BMPR1B: variants seen among roughly 807,000 people sequenced by gnomAD.
BMPR1B encodes bone morphogenetic protein receptor type-1B.
In BMPR1B, 12 loss-of-function variants were observed where a neutral mutation model predicts 59.1. The observed-to-expected ratio is 0.20, with a 90% CI of 0.13 to 0.33. The LOEUF is 0.33. BMPR1B is among the 10% of genes least tolerant of loss of function. The pLI is 1.00. For missense variants in BMPR1B, 550 were observed against 610.9 expected (o/e 0.90, Z 1.05); for synonymous variants, 237 against 207.3 (o/e 1.14, Z -1.23).
At chr4:94,802,248 A>G (rs749006221) in intron 1 of BMPR1B, among the ~76,000 whole-genome samples, 1 of 152,160 alleles carries the variant, frequency 6.6e-6, no homozygotes, top group South Asian at 2.1e-4. Flanking sequence ...TGTTGAGAGG[A>G]GTCTGGCGTA....
chr4:94,845,603 A>G (rs1265350554), intron 1 of BMPR1B, among the ~76,000 whole-genome samples: 1 of 152,190 alleles, frequency 6.6e-6, no homozygotes, highest in Non-Finnish European at 1.5e-5. Flanking sequence ...GGGCCTCCCA[A>G]AGTGCTGGGA....
At chr4:94,947,776 C>T (rs1044060036) in intron 2 of BMPR1B, among the ~76,000 whole-genome samples, 1 of 152,306 alleles carries the variant, frequency 6.6e-6, no homozygotes, top group East Asian at 1.9e-4. Context: ...GTCCTCCTTA[C>T]AATTTTACTC....
rs528842766 is a variant in BMPR1B, at chr4:94,929,767, G to T, written c.-113+53867G>T. 1.4e-3 allele frequency among the ~76,000 whole-genome samples: 210 copies of T among 152,026 alleles called. 1 individual carries two copies. Among genetic ancestry groups the T allele is most frequent in the African/African-American group, 4.7e-3 (195 of 41,480 alleles). ...GCACAGGTCTCTCTCTTATGCACCA[G>T]ATCCTCACGTCCTATGATTTCTGCA... On this transcript the variant is annotated intron_variant, in intron 2 of 12. Coordinates refer to ENST00000515059, the MANE Select transcript of BMPR1B (RefSeq NM_001203.3).
chr4:94,919,773 A>G (rs945350074), intron 2 of BMPR1B, among the ~76,000 whole-genome samples: 2 of 152,184 alleles, frequency 1.3e-5, no homozygotes, highest in East Asian at 1.9e-4. Flanking sequence ...GGAATGGGGA[A>G]CTACCAAGAA....
chr4:95,095,313 A>C (rs1048742399), intron 3 of BMPR1B, among the ~76,000 whole-genome samples: 4 of 152,066 alleles, frequency 2.6e-5, no homozygotes, highest in Non-Finnish European at 4.4e-5. Flanking sequence ...TGTGAAATAG[A>C]CTCTTAAAAA....
At chr4:95,054,481 G>A (rs1256867693) in intron 3 of BMPR1B, among the ~76,000 whole-genome samples, 1 of 152,076 alleles carries the variant, frequency 6.6e-6, no homozygotes, top group African/African-American at 2.4e-5. Context: ...TTAAATCTAG[G>A]GAAATGGGGA....
rs1553903537 is a variant in BMPR1B at position 94,770,180 on chromosome 4, G to GTTTTTTTTT, written c.-183+12113_-183+12114insTTTTTTTTT. Among the ~76,000 whole-genome samples, 46 of 106,260 alleles carry GTTTTTTTTT rather than the reference G, an allele frequency of 4.3e-4. 4 individuals carry two copies. The highest frequency in any genetic ancestry group is 1.7e-3 in the African/African-American group (40 of 24,192). 69.7% of individuals were successfully genotyped at this position (106,260 alleles called of 152,430 possible). On this transcript the variant is annotated intron_variant, in intron 1 of 12. Transcript: ENST00000515059. ...TTTGTTTGAATTGTCCTTCGTTTCT[G>GTTTTTTTTT]TGTTTGTTTTTTTTTTTTTTTTTTG... is the stretch of plus-strand genomic sequence containing the variant.
At chr4:95,116,117 C>A (rs560898909) in intron 6 of BMPR1B, among the ~76,000 whole-genome samples, 63 of 152,084 alleles carry the variant, frequency 4.1e-4, no homozygotes, top group Non-Finnish European at 6.5e-4. Flanking sequence ...TGTAGTTCAC[C>A]CAAAAACTAC....
chr4:94,841,327 A>G (rs1725061084), intron 1 of BMPR1B, among the ~76,000 whole-genome samples: 1 of 148,502 alleles, frequency 6.7e-6, no homozygotes, highest in African/African-American at 2.5e-5. Flanking sequence ...TTACCTAAGC[A>G]AGCCTGGGCA....
At chr4:95,036,310 C>G (rs1725239922) in intron 3 of BMPR1B, among the ~76,000 whole-genome samples, 1 of 151,974 alleles carries the variant, frequency 6.6e-6, no homozygotes, top group South Asian at 2.1e-4. Flanking sequence ...AAATTAATTT[C>G]TCTCTAACTG....
chr4:94,831,237 A>ACAACAACAACAACAACAACAACAAC (rs200801784), intron 1 of BMPR1B, among the ~76,000 whole-genome samples: 62 of 146,950 alleles, frequency 4.2e-4, no homozygotes, highest in African/African-American at 1.4e-3. Context: ...AAAAAGTAAA[A>ACAACAACAACAACAACAACAACAAC]AAAAAAAAAA....
intron 2 of BMPR1B, among the ~76,000 whole-genome samples, chr4:94,916,386 G>A (rs1160623026): frequency 6.6e-6 from 1 of 152,132 alleles, no homozygotes; most frequent in East Asian, 1.9e-4. Flanking sequence ...AGGCTGCCGA[G>A]GTCTCAAATG....
At chr4:95,046,353 C>T (rs1560615267) in intron 3 of BMPR1B, among the ~76,000 whole-genome samples, 4 of 152,136 alleles carry the variant, frequency 2.6e-5, no homozygotes, top group Non-Finnish European at 2.9e-5. Context: ...ATTGGCAAAG[C>T]TTTTCATGTG....
chr4:94,769,992 T>C (rs960824290), intron 1 of BMPR1B, among the ~76,000 whole-genome samples: 3 of 152,160 alleles, frequency 2.0e-5, no homozygotes, highest in African/African-American at 4.8e-5. Flanking sequence ...AGCATTTCCT[T>C]AGCACTCTGC....
chr4:95,005,042 C>G lies in BMPR1B; in HGVS notation c.-18+8908C>G, dbSNP rs183335123. The stretch of plus-strand genomic sequence containing the variant: ...CATTGCAATATAAAGTTGATTGGTA[C>G]AGCTTGCAAAGCACAATGTGAGTTT... On this transcript the variant is annotated intron_variant, in intron 3 of 12. Transcript: ENST00000515059. Among the ~76,000 whole-genome samples the G allele has an allele frequency of 5.3e-5, 8 of 152,132 alleles. No individual in the cohort carries two copies. In the East Asian group the frequency reaches 1.5e-3, roughly 29 times the overall value.
In BMPR1B at chr4:95,154,934, C is replaced by A; in HGVS notation, c.*261C>A. 1 of 416,242 alleles carries A rather than the reference C, an allele frequency of 2.4e-6. No individual in the cohort carries two copies. Among genetic ancestry groups the A allele is most frequent in the South Asian group, 2.9e-5 (1 of 34,668 alleles). 25.8% of individuals were successfully genotyped at this position (416,242 alleles called of 1,614,324 possible). On this transcript the variant is annotated 3_prime_UTR_variant, in exon 13 of 13. Transcript: ENST00000515059. ...TTCAAGATATGATGCATGTTGCTTT[C>A]TAAGAAAGCCCTGTATTTTGTGATT...
At chr4:94,977,252 C>T (rs1023803) in intron 2 of BMPR1B, among the ~76,000 whole-genome samples, 145,287 of 152,276 alleles carry the variant, frequency 0.95, 69,347 homozygotes, top group Middle Eastern at 0.99. Flanking sequence ...ATGCCCTTAA[C>T]ATCTTTAGAA....
rs572803603 is a variant in BMPR1B, at chr4:94,770,950, T to C, written c.-183+12882T>C. On this transcript the variant is annotated intron_variant, in intron 1 of 12. Coordinates refer to ENST00000515059, the MANE Select transcript of BMPR1B (RefSeq NM_001203.3). Reference sequence around the variant, plus strand: ...CCTCCCATGATTATATGTGTTAAATTCTTCCGTGACCTTATACTTTAGCAT... The same window carrying C: ...CCTCCCATGATTATATGTGTTAAATCCTTCCGTGACCTTATACTTTAGCAT... Among the ~76,000 whole-genome samples, 373 of 151,686 alleles carry C rather than the reference T, an allele frequency of 2.5e-3. 3 individuals carry two copies. The highest frequency in any genetic ancestry group is 8.7e-3 in the African/African-American group (360 of 41,334).
At chr4:94,916,038 C>T (rs1245846101) in intron 2 of BMPR1B, among the ~76,000 whole-genome samples, 3 of 152,140 alleles carry the variant, frequency 2.0e-5, no homozygotes, top group African/African-American at 7.2e-5. Flanking sequence ...CTGAGGCCTC[C>T]CAAGAAGTCA....
Sources: allele counts gnomAD v4.1 joint callset (sites outside exome capture counted in the v4.1 genomes callset), GRCh38; gene constraint gnomAD v4.1.1; transcripts MANE v1.5; gene names NCBI Gene and HGNC (gene_info 2026-07-23, HGNC 2026-07-21).